Variants in RIF1 observed in about 807,000 individuals in gnomAD.
The protein encoded by RIF1 is telomere-associated protein RIF1.
RIF1 carries 45 observed loss-of-function variants against 247.1 expected under a neutral mutation model. The ratio of observed to expected loss-of-function variants is 0.18; its 90% CI spans 0.14 to 0.23. The LOEUF (loss-of-function observed/expected upper bound fraction) is 0.23, where lower values mean the gene tolerates loss of function less well. RIF1 is among the 10% of genes least tolerant of loss of function. RIF1 has a pLI of 1.00. For synonymous variants in RIF1, 1,087 were observed against 978.8 expected (o/e 1.11, Z -2.06); for missense variants, 2,967 against 2,862.5 (o/e 1.04, Z -0.83).
the RIF1 span, chr2:151,527,367 G>T: frequency 3.0e-4 from 268 of 895,150 alleles, no homozygotes; most frequent in Non-Finnish European, 4.3e-4. Flanking sequence ...CTCCTTCTCG[G>T]ATCTCAAACG....
Position 151,464,675 on chromosome 2 carries a change from C to A in RIF1, c.5155C>A (p.Gln1719Lys), listed in dbSNP as rs892681731. The A allele has an allele frequency of 5.6e-6, 9 of 1,612,596 alleles. No individual in the cohort carries two copies. Among genetic ancestry groups the A allele is most frequent in the Admixed American group, 1.7e-5 (1 of 59,912 alleles). ...SEKTFQTLEC[Q>K]HKRSRRVRRS... ...AAAAACTTTTCAAACACTTGAATGC[C>A]AACACAAGAGAAGTAGGAGGGTGAG... is the stretch of plus-strand genomic sequence containing the variant. Residue 1719 changes from glutamine (Q) to lysine (K), a missense_variant, in exon 30 of 36, where the codon CAA becomes AAA. Around this residue, in one of 7 missense-constraint regions of RIF1, gnomAD observed 2,028 missense variants for 1,825.6 expected, o/e 1.11. Transcript: ENST00000444746.
At chr2:151,413,784 CAT>C in intron 3 of RIF1, among the ~76,000 whole-genome samples, 1 of 152,198 alleles carries the variant, frequency 6.6e-6, no homozygotes, top group African/African-American at 2.4e-5. Context: ...AGTATCTGCT[CAT>C]ATATTTAACC....
Position 151,463,805 on chromosome 2 carries a change from A to G in RIF1, c.4285A>G (p.Thr1429Ala). 1.2e-6 allele frequency: 2 copies of G among 1,612,672 alleles called. No homozygotes were observed. The highest frequency in any genetic ancestry group is 1.7e-6 in the Non-Finnish European group (2 of 1,179,702). Residue 1429 changes from threonine (T) to alanine (A), a missense_variant, in exon 30 of 36, where the codon ACT (threonine) becomes GCT (alanine). Physicochemically the swap from Thr to Ala is moderately conservative, Grantham distance 58 (BLOSUM62 0). This residue lies in a region of RIF1 where 2,028 missense variants were observed against 1,825.6 expected (regional missense o/e 1.11). Coordinates refer to ENST00000444746, the MANE Select transcript of RIF1 (RefSeq NM_018151.5). ...RRRSEVVEST[T>A]ESQDKENSHQ... ...ACGTTCAGAAGTAGTAGAGTCTACC[A>G]CTGAAAGCCAAGATAAGGAAAATAG...
chr2:151,530,202 A>G, the RIF1 span, among the ~76,000 whole-genome samples: 2 of 152,202 alleles, frequency 1.3e-5, no homozygotes, highest in African/African-American at 2.4e-5. Flanking sequence ...TTTTAAAAAT[A>G]TATAGAACTG....
At chr2:151,445,507 T>G in intron 19 of RIF1, 62 bp downstream of exon 19, 1 of 855,280 alleles carries the variant, frequency 1.2e-6, no homozygotes, top group Non-Finnish European at 2.0e-6. Flanking sequence ...TATTATTTCA[T>G]CCTTTATAAT....
At chr2:151,442,909 C>T (rs1388481342) in intron 16 of RIF1, among the ~76,000 whole-genome samples, 1 of 151,262 alleles carries the variant, frequency 6.6e-6, no homozygotes, top group Non-Finnish European at 1.5e-5. Context: ...GTAGCTGGGA[C>T]TACAGGCGCG....
At chr2:151,483,759 T>C (rs549880294), downstream of RIF1, among the ~76,000 whole-genome samples, 1 of 152,266 alleles carries the variant, frequency 6.6e-6, no homozygotes, top group African/African-American at 2.4e-5. Flanking sequence ...GGAGGTCGAG[T>C]GGCCGGTGAG....
rs1043292659 is a variant in RIF1 at position 151,455,215 on chromosome 2, T to C, written c.2609+56T>C. On this transcript the variant is annotated intron_variant, in intron 22 of 35. Transcript: ENST00000444746. ...TAAATGTATACAATTTAAATATAGG[T>C]AGCAACTTTTATTTTTTAATCAGCT... 6 of 1,323,840 alleles carry C rather than the reference T, an allele frequency of 4.5e-6. No individual in the cohort carries two copies. The African/African-American group carries it at 7.4e-5, about 16-fold the overall frequency. 82.0% of individuals were successfully genotyped at this position (1,323,840 alleles called of 1,614,324 possible).
chr2:151,419,812 A>G (rs1687870563), intron 6 of RIF1, among the ~76,000 whole-genome samples: 1 of 152,176 alleles, frequency 6.6e-6, no homozygotes, highest in Non-Finnish European at 1.5e-5. Flanking sequence ...CAGGTCCCTC[A>G]TAATCTTATG....
chr2:151,465,417 C>G lies in RIF1; in HGVS notation c.5897C>G (p.Thr1966Ser), dbSNP rs1169217775. ...TAKLNAKEVA[T>S]EEFNSDISLS... ...AAACTGAATGCCAAAGAAGTAGCAA[C>G]TGAGGAATTTAATTCAGATATTAGT... is the stretch of plus-strand genomic sequence containing the variant. Residue 1966 changes from threonine (T) to serine (S), a missense_variant, in exon 30 of 36, where the codon ACT (threonine) becomes AGT (serine). This residue lies in a region of RIF1 where 2,028 missense variants were observed against 1,825.6 expected (regional missense o/e 1.11). Transcript: ENST00000444746. 1 of 1,613,532 alleles carries G rather than the reference C, an allele frequency of 6.2e-7. No individual in the cohort carries two copies. The highest frequency in any genetic ancestry group is 8.5e-7 in the Non-Finnish European group (1 of 1,179,784).
chr2:151,437,638 C>T (rs1691481255), intron 13 of RIF1, among the ~76,000 whole-genome samples: 1 of 152,074 alleles, frequency 6.6e-6, no homozygotes, highest in Admixed American at 6.6e-5. Flanking sequence ...TTGCAGTGAG[C>T]CAAGATTGTG....
chr2:151,519,102 T>C, the RIF1 span: 5 of 1,367,074 alleles, frequency 3.7e-6, no homozygotes, highest in African/African-American at 7.1e-5. Context: ...GGAAATCACG[T>C]AAATAGGAAA....
rs772809644 is a variant in RIF1 at position 151,474,017 on chromosome 2, A to G, written c.7149A>G (p.Thr2383=). The change falls in exon 35 of 36, where the codon ACA becomes ACG. Residue 2383 remains threonine, a synonymous_variant. Coordinates refer to ENST00000444746, the MANE Select transcript of RIF1 (RefSeq NM_018151.5). Reference sequence around the variant, plus strand: ...CAGTTTTTGATATTTCTGAAAAAACAGTAAATGGAATAGAAAATAAATCTT... The same window carrying G: ...CAGTTTTTGATATTTCTGAAAAAACGGTAAATGGAATAGAAAATAAATCTT... ...EIPVFDISEK[T]VNGIENKSLS... The G allele has an allele frequency of 6.3e-7, 1 of 1,596,360 alleles. No individual in the cohort carries two copies. Among genetic ancestry groups the G allele is most frequent in the Non-Finnish European group, 8.6e-7 (1 of 1,165,222 alleles).
chr2:151,510,971 A>G (rs2073796322), downstream of RIF1, among the ~76,000 whole-genome samples: 1 of 152,246 alleles, frequency 6.6e-6, no homozygotes, highest in Non-Finnish European at 1.5e-5. Context: ...AGTATTTACC[A>G]TTCAACTGTA....
the RIF1 span, among the ~76,000 whole-genome samples, chr2:151,523,184 T>G: frequency 4.5e-4 from 69 of 152,242 alleles, no homozygotes; most frequent in Non-Finnish European, 6.2e-4. Context: ...TGTTTTTTTG[T>G]TGGTGGTGGT....
At chr2:151,530,313 A>G in the RIF1 span, among the ~76,000 whole-genome samples, 6 of 152,162 alleles carry the variant, frequency 3.9e-5, no homozygotes, top group East Asian at 1.2e-3. Context: ...CAGGCCCAAC[A>G]GGCAGTTTTT....
rs2049114947 is a variant in RIF1 at position 151,480,311 on chromosome 2, A to G, written c.*5240A>G. ...ACAGTGTGCCAATTTATAATTGTAG[A>G]TAAAGCTGAATTTACTGGGCAGCAA... On this transcript the variant is annotated 3_prime_UTR_variant, in exon 36 of 36. Coordinates refer to ENST00000444746, the MANE Select transcript of RIF1 (RefSeq NM_018151.5). The G allele has an allele frequency of 6.6e-6, 1 of 152,206 alleles. No individual in the cohort carries two copies. Among genetic ancestry groups the G allele is most frequent in the Non-Finnish European group, 1.5e-5 (1 of 68,018 alleles). The allele number at this position is 152,206 out of a possible 1,614,324, so 9.4% of individuals were successfully genotyped here. A position where few individuals can be genotyped will look rare whatever the true frequency, so the allele number is the denominator to read the frequency against.
downstream of RIF1, chr2:151,486,041 A>C: frequency 8.7e-7 from 1 of 1,150,490 alleles, no homozygotes; most frequent in Non-Finnish European, 1.2e-6. Context: ...CTTAAGTTGA[A>C]CAAAAGAGAA....
Position 151,439,386 on chromosome 2 carries a change from C to T in RIF1, c.1546+640C>T, listed in dbSNP as rs568228209. On this transcript the variant is annotated intron_variant, in intron 14 of 35. Transcript: ENST00000444746. ...ATGCTTAGAAATACACCCTTCTAGC[C>T]GGGCGCGGTGGCTCATGCCTGTAAT... is the stretch of plus-strand genomic sequence containing the variant. Among the ~76,000 whole-genome samples the T allele has an allele frequency of 4.9e-4, 74 of 152,234 alleles. 1 individual carries two copies. The highest frequency in any genetic ancestry group is 3.4e-3 in the Middle Eastern group (1 of 294).
Sources: allele counts gnomAD v4.1 joint callset (sites outside exome capture counted in the v4.1 genomes callset), GRCh38; gene constraint gnomAD v4.1.1; regional missense constraint gnomAD v4.1.1; transcripts MANE v1.5; gene names NCBI Gene and HGNC (gene_info 2026-07-23, HGNC 2026-07-21).